The following DNAH9 variants were observed in gnomAD, a reference collection of about 807,000 sequenced individuals.
The protein encoded by DNAH9 is dynein axonemal heavy chain 9, also known as DNAH9 variant protein.
In DNAH9, 345 loss-of-function variants were observed where a neutral mutation model predicts 471.6. That is an observed-to-expected ratio of 0.73 (90% CI 0.67 to 0.80). The LOEUF is 0.80. DNAH9 is among the 30% of genes least tolerant of loss of function. DNAH9 has a pLI of 0.00. For missense variants in DNAH9, 5,407 were observed against 5,609.2 expected (o/e 0.96, Z 1.15); for synonymous variants, 2,093 against 2,123.6 (o/e 0.99, Z 0.40).
intron 35 of DNAH9, among the ~76,000 whole-genome samples, chr17:11,761,380 G>T (rs963253974): frequency 6.6e-6 from 1 of 152,172 alleles, no homozygotes; most frequent in African/African-American, 2.4e-5. Context: ...CTGTAAAAGC[G>T]GGGTGGAGAG....
rs145410213 is a variant in DNAH9 at position 11,834,546 on chromosome 17, C to T, written c.9247-92C>T. 1,899 of 1,502,880 alleles carry T rather than the reference C, an allele frequency of 1.3e-3. 13 individuals are homozygous for T. The African/African-American group carries it at 0.021, about 16-fold the overall frequency. The allele number at this position is 1,502,880 out of a possible 1,614,324, so 93.1% of individuals were successfully genotyped here. A position where few individuals can be genotyped will look rare whatever the true frequency, so the allele number is the denominator to read the frequency against. On this transcript the variant is annotated intron_variant, in intron 48 of 68. Transcript: ENST00000262442. ...CTATTCTGCTCCACAGAGTTGGGTC[C>T]TCAGGTCATGCCCAACAGGCCAGTG...
In DNAH9 at chr17:11,719,405, G is replaced by A. The variant is rs1197720731; in HGVS notation, c.5624G>A (p.Gly1875Asp). 2 of 1,613,956 alleles carry A rather than the reference G, an allele frequency of 1.2e-6. No individual in the cohort carries two copies. The highest frequency in any genetic ancestry group is 2.2e-5 in the South Asian group (2 of 91,068). ...GCTCCCGCAGGACCTGCAGGCACAG[G>A]CAAGACCGAGACCACCAAGGACCTG... ...SGAPAGPAGT[G>D]KTETTKDLGR... is the part of the protein sequence containing the mutation. The change falls in exon 27 of 69, where the codon GGC becomes GAC. Residue 1875 changes from glycine to aspartate, a missense_variant. By Grantham distance (94) the Gly-to-Asp change is moderately conservative. Transcript: ENST00000262442.
chr17:11,788,959 T>C (rs1309163077), intron 41 of DNAH9, among the ~76,000 whole-genome samples: 1 of 152,142 alleles, frequency 6.6e-6, no homozygotes, highest in Non-Finnish European at 1.5e-5. Flanking sequence ...GTGTTGAAAC[T>C]TAACAAATGA....
chr17:11,713,182 C>A (rs576712323), intron 26 of DNAH9, among the ~76,000 whole-genome samples: 1 of 152,224 alleles, frequency 6.6e-6, no homozygotes, highest in South Asian at 2.1e-4. Context: ...CATTAGTTTG[C>A]TAAGGATAAT....
chr17:11,938,231 G>A (rs1597851067), intron 66 of DNAH9, among the ~76,000 whole-genome samples: 2 of 151,930 alleles, frequency 1.3e-5, no homozygotes, highest in Admixed American at 6.6e-5. Context: ...AGGCCAAGGC[G>A]GGCAGATCAT....
Position 11,768,383 on chromosome 17 carries a change from G to A in DNAH9, c.7171-70G>A, listed in dbSNP as rs1189614828. 4.2e-5 allele frequency: 63 copies of A among 1,492,342 alleles called. No homozygotes were observed. In the Admixed American group the frequency reaches 4.4e-4, roughly 11 times the overall value. 92.4% of individuals were successfully genotyped at this position (1,492,342 alleles called of 1,614,324 possible). On this transcript the variant is annotated intron_variant, in intron 36 of 68. Coordinates refer to ENST00000262442, the MANE Select transcript of DNAH9 (RefSeq NM_001372.4). ...GTCCTGCCCTGACCTTCTATCTGAC[G>A]CCGTGGCCTCCTGTGTGGGCTTCTT...
At chr17:11,872,016 C>G (rs1007439643) in intron 52 of DNAH9, among the ~76,000 whole-genome samples, 4 of 152,148 alleles carry the variant, frequency 2.6e-5, no homozygotes, top group African/African-American at 7.2e-5. Context: ...ATGTAGTCCT[C>G]CATGGGAACA....
chr17:11,844,047 A>G (rs573189551), intron 49 of DNAH9, among the ~76,000 whole-genome samples: 1 of 151,220 alleles, frequency 6.6e-6, no homozygotes, highest in South Asian at 2.1e-4. Flanking sequence ...CTCTTAATAA[A>G]TGGACAAAAC....
rs761162770 is a variant in DNAH9, at chr17:11,923,905, C to G, written c.11841C>G (p.Asp3947Glu). 1.2e-6 allele frequency: 2 copies of G among 1,614,042 alleles called. No individual in the cohort carries two copies. Among genetic ancestry groups the G allele is most frequent in the South Asian group, 1.1e-5 (1 of 91,068 alleles). ...AAGTGGTGGCTGAGGCTGCGCTGGA[C>G]CTCGCTGCCAAGAAAGGTCACTGGG... ...GQEVVAEAAL[D>E]LAAKKGHWVI... is the part of the protein sequence containing the mutation. Residue 3947 changes from aspartate (D) to glutamate (E), a missense_variant, in exon 62 of 69, where the codon GAC becomes GAG. Around this residue, in one of 3 missense-constraint regions of DNAH9, gnomAD observed 4,636 missense variants for 4,900.3 expected, o/e 0.95. Coordinates refer to ENST00000262442, the MANE Select transcript of DNAH9 (RefSeq NM_001372.4).
intron 23 of DNAH9, among the ~76,000 whole-genome samples, chr17:11,700,808 C>T (rs1040122732): frequency 2.6e-5 from 4 of 152,206 alleles, no homozygotes; most frequent in African/African-American, 7.2e-5. Flanking sequence ...GATTTATTTA[C>T]ACCCAGCTCA....
chr17:11,844,978 T>A (rs978013630), intron 49 of DNAH9, among the ~76,000 whole-genome samples: 1 of 151,812 alleles, frequency 6.6e-6, no homozygotes, highest in Non-Finnish European at 1.5e-5. Context: ...TCATGTCCTT[T>A]GTCCACTTTT....
At chr17:11,719,289 C>T (rs774302651) in intron 26 of DNAH9, 45 bp from the exon 27 acceptor site, 1 of 1,597,388 alleles carries the variant, frequency 6.3e-7, no homozygotes, top group East Asian at 2.2e-5. Flanking sequence ...TCCTATCTCA[C>T]TGGGCCCCCA....
At chr17:11,770,196 G>A (rs1028036870) in intron 38 of DNAH9, among the ~76,000 whole-genome samples, 2 of 152,188 alleles carry the variant, frequency 1.3e-5, no homozygotes, top group Admixed American at 6.5e-5. Context: ...TGGCACTCTC[G>A]TTATCCGCTA....
chr17:11,867,404 T>G (rs1165937199), intron 50 of DNAH9, among the ~76,000 whole-genome samples: 2 of 152,206 alleles, frequency 1.3e-5, no homozygotes, highest in Admixed American at 6.5e-5. Context: ...AATTCTCCTT[T>G]TAACCTTTCC....
chr17:11,871,028 T>C (rs1192683347), intron 51 of DNAH9, among the ~76,000 whole-genome samples: 1 of 152,076 alleles, frequency 6.6e-6, no homozygotes, highest in African/African-American at 2.4e-5. Flanking sequence ...CAGTCCTCTG[T>C]AGAAAGAATG....
chr17:11,952,910 A>T (rs1975443492), intron 67 of DNAH9, among the ~76,000 whole-genome samples: 1 of 152,096 alleles, frequency 6.6e-6, no homozygotes, highest in South Asian at 2.1e-4. Flanking sequence ...GCACCGGCAA[A>T]TTTGGTTTCT....
At chr17:11,607,200 T>C (rs940626369) in intron 1 of DNAH9, among the ~76,000 whole-genome samples, 3 of 151,660 alleles carry the variant, frequency 2.0e-5, no homozygotes, top group Admixed American at 1.3e-4. Flanking sequence ...AATCACCTCC[T>C]ATTCACCCCG....
At chr17:11,647,005 A>T in intron 11 of DNAH9, 67 bp from the exon 12 acceptor site, 2 of 1,567,500 alleles carry the variant, frequency 1.3e-6, no homozygotes, top group Non-Finnish European at 1.7e-6. Flanking sequence ...TATGTTACAG[A>T]TCATGACCAG....
intron 10 of DNAH9, 125 bp from the exon 11 acceptor site, chr17:11,644,506 C>G (rs975933679): frequency 3.3e-5 from 22 of 675,656 alleles, no homozygotes; most frequent in Non-Finnish European, 4.9e-5. Context: ...AAGGCTCTTT[C>G]AGGGCTGTTT....
Sources: gnomAD v4.1 joint callset for allele counts (sites outside exome capture counted in the v4.1 genomes callset) on GRCh38, gnomAD v4.1.1 for gene constraint, gnomAD v4.1.1 regional missense constraint, MANE v1.5 for transcripts, NCBI Gene and HGNC (gene_info 2026-07-23, HGNC 2026-07-21) for gene names.